Variants in ENTHD1 observed in about 807,000 individuals in gnomAD.
ENTHD1 encodes ENTH domain-containing protein 1.
A neutral mutation model predicts 39.1 loss-of-function variants in ENTHD1; 23 were observed. That is an observed-to-expected ratio of 0.59 (90% CI 0.42 to 0.83). ENTHD1 has a LOEUF of 0.83. Ranked by LOEUF, ENTHD1 falls within the 40% of genes least tolerant of loss-of-function variation. The pLI, the probability that ENTHD1 is intolerant of heterozygous loss-of-function variation, is 0.00. For missense variants in ENTHD1, 624 were observed against 705.4 expected (o/e 0.88, Z 1.31); for synonymous variants, 230 against 258.2 (o/e 0.89, Z 1.05).
intron 1 of ENTHD1, among the ~76,000 whole-genome samples, chr22:39,889,176 T>C (rs1601673782): frequency 2.0e-5 from 3 of 152,292 alleles, no homozygotes; most frequent in East Asian, 1.9e-4. Context: ...AAAAGAAGAA[T>C]GAGTTTAGGA....
At chr22:39,776,850 C>T (rs2065369210) in intron 5 of ENTHD1, among the ~76,000 whole-genome samples, 1 of 152,196 alleles carries the variant, frequency 6.6e-6, no homozygotes, top group African/African-American at 2.4e-5. Flanking sequence ...TAGGAACATT[C>T]CACCCTGCTA....
At chr22:39,790,830 C>G (rs1360090564) in intron 5 of ENTHD1, among the ~76,000 whole-genome samples, 1 of 152,208 alleles carries the variant, frequency 6.6e-6, no homozygotes. Flanking sequence ...ACTGCTTCCC[C>G]ACAAGGGAGT....
At chr22:39,885,509 C>T (rs932729689) in intron 2 of ENTHD1, among the ~76,000 whole-genome samples, 2 of 152,144 alleles carry the variant, frequency 1.3e-5, no homozygotes, top group Non-Finnish European at 2.9e-5. Context: ...AGTATACACC[C>T]AAATAAACCG....
chr22:39,789,706 A>G (rs186683765), intron 5 of ENTHD1, among the ~76,000 whole-genome samples: 16 of 152,322 alleles, frequency 1.1e-4, no homozygotes, highest in African/African-American at 3.1e-4. Flanking sequence ...TAAAGCTTAC[A>G]TTACAGTGGG....
intron 5 of ENTHD1, among the ~76,000 whole-genome samples, chr22:39,809,952 T>A (rs759536272): frequency 2.0e-5 from 3 of 152,176 alleles, no homozygotes; most frequent in Non-Finnish European, 2.9e-5. Flanking sequence ...GGTTAATGAA[T>A]CACAGGACCT....
At chr22:39,888,294 G>A (rs2066400056) in intron 1 of ENTHD1, among the ~76,000 whole-genome samples, 2 of 137,662 alleles carry the variant, frequency 1.5e-5, no homozygotes, top group Admixed American at 7.4e-5. Flanking sequence ...CAAAGACAGG[G>A]TATTGCCCTG....
chr22:39,786,417 A>C (rs188130806), intron 5 of ENTHD1, among the ~76,000 whole-genome samples: 69 of 152,236 alleles, frequency 4.5e-4, no homozygotes, highest in Non-Finnish European at 9.1e-4. Context: ...TTCAAGTATT[A>C]CAATACATTT....
chr22:39,875,751 T>C, intron 2 of ENTHD1: 2 of 1,613,122 alleles, frequency 1.2e-6, no homozygotes, highest in Non-Finnish European at 1.7e-6. Flanking sequence ...AAAATCGAAA[T>C]CAAGTTATCC....
At chr22:39,821,911 C>G (rs1367318495) in intron 4 of ENTHD1, among the ~76,000 whole-genome samples, 2 of 152,186 alleles carry the variant, frequency 1.3e-5, no homozygotes, top group Non-Finnish European at 2.9e-5. Flanking sequence ...GGGCTATGCC[C>G]TTATGACCTA....
At chr22:39,796,063 T>C (rs1047457082) in intron 5 of ENTHD1, among the ~76,000 whole-genome samples, 2 of 152,176 alleles carry the variant, frequency 1.3e-5, no homozygotes, top group African/African-American at 4.8e-5. Flanking sequence ...CTCTATTTCA[T>C]TTAGTTCTGC....
intron 5 of ENTHD1, among the ~76,000 whole-genome samples, chr22:39,788,265 G>C (rs2065475450): frequency 6.6e-6 from 1 of 152,186 alleles, no homozygotes; most frequent in Admixed American, 6.6e-5. Flanking sequence ...AAGAACATTT[G>C]TGATTTATGG....
intron 1 of ENTHD1, 45 bp downstream of exon 1, chr22:39,893,650 G>C (rs1199116992): frequency 6.6e-6 from 1 of 152,312 alleles, no homozygotes; most frequent in East Asian, 1.9e-4. Context: ...GATGTTTCCA[G>C]ACCCGCCTTG....
At chr22:39,838,859 A>C (rs2065924381) in intron 3 of ENTHD1, among the ~76,000 whole-genome samples, 1 of 152,168 alleles carries the variant, frequency 6.6e-6, no homozygotes, top group East Asian at 1.9e-4. Context: ...AAAATTCTGC[A>C]AGAAATGTAG....
intron 4 of ENTHD1, among the ~76,000 whole-genome samples, chr22:39,822,943 T>C (rs1408142851): frequency 9.9e-5 from 15 of 152,212 alleles, no homozygotes; most frequent in Non-Finnish European, 5.9e-5. Flanking sequence ...TACAATATCA[T>C]ACTCAGGATA....
intron 3 of ENTHD1, among the ~76,000 whole-genome samples, chr22:39,854,799 CA>C (rs1230922440): frequency 2.6e-5 from 4 of 152,134 alleles, no homozygotes; most frequent in Non-Finnish European, 5.9e-5. Flanking sequence ...AAGGGAAGCA[CA>C]GCTGTTTCAG....
At chr22:39,801,689 T>C (rs2065599584) in intron 5 of ENTHD1, among the ~76,000 whole-genome samples, 1 of 152,212 alleles carries the variant, frequency 6.6e-6, no homozygotes, top group Admixed American at 6.5e-5. Context: ...AATGAAGCTG[T>C]AACTTAAACA....
At chr22:39,856,858 A>C (rs1364914843) in intron 3 of ENTHD1, among the ~76,000 whole-genome samples, 2 of 150,300 alleles carry the variant, frequency 1.3e-5, no homozygotes, top group African/African-American at 4.9e-5. Flanking sequence ...GTCTCAAAAA[A>C]AAAAAAAAAA....
chr22:39,883,855 C>CAAAAAA (rs137949), intron 2 of ENTHD1, among the ~76,000 whole-genome samples: 3 of 68,570 alleles, frequency 4.4e-5, no homozygotes, highest in African/African-American at 6.1e-5. Flanking sequence ...CTCTGTCCCA[C>CAAAAAA]AAAAAAAAAA....
Position 39,765,274 on chromosome 22 carries a change from C to T in ENTHD1, c.1168G>A (p.Ala390Thr), listed in dbSNP as rs2065266915. The change falls in exon 6 of 7, where the codon GCA becomes ACA. Residue 390 changes from alanine (A) to threonine (T), a missense_variant. Transcript: ENST00000325157. Reference sequence around the variant, plus strand: ...TCATCCATCTGAATGCTGGATTGTGCTGGTTTCTGGTAGGCCTTGTTGATT... The same window carrying T: ...TCATCCATCTGAATGCTGGATTGTGTTGGTTTCTGGTAGGCCTTGTTGATT... ...IVINKAYQKP[A>T]QSSIQMDDKI... The T allele has an allele frequency of 1.2e-6, 2 of 1,612,942 alleles. No individual in the cohort carries two copies. The highest frequency in any genetic ancestry group is 1.7e-6 in the Non-Finnish European group (2 of 1,179,836).
Sources: allele counts gnomAD v4.1 joint callset (sites outside exome capture counted in the v4.1 genomes callset), GRCh38; gene constraint gnomAD v4.1.1; transcripts MANE v1.5; gene names NCBI Gene and HGNC (gene_info 2026-07-23, HGNC 2026-07-21).